PCDHGB3: variants seen among roughly 807,000 people sequenced by gnomAD.
PCDHGB3 encodes protocadherin gamma-B3.
In PCDHGB3, 40 loss-of-function variants were observed where a neutral mutation model predicts 59.2. The observed-to-expected ratio is 0.68, with a 90% CI of 0.52 to 0.88. PCDHGB3 has a LOEUF of 0.88. Ranked by LOEUF, PCDHGB3 falls within the 40% of genes least tolerant of loss-of-function variation. The pLI, the probability that PCDHGB3 is intolerant of heterozygous loss-of-function variation, is 0.00. For missense variants in PCDHGB3, 1,309 were observed against 1,187.9 expected (o/e 1.10, Z -1.50); for synonymous variants, 581 against 503.6 (o/e 1.15, Z -2.06).
At chr5:141,404,382 A>G (rs765708858) in intron 1 of PCDHGB3, 27 of 1,613,860 alleles carry the variant, frequency 1.7e-5, no homozygotes, top group South Asian at 1.2e-4. Context: ...GTGATTGCCT[A>G]TGACCCTGAT....
chr5:141,433,056 G>C, intron 1 of PCDHGB3: 10 of 1,614,204 alleles, frequency 6.2e-6, no homozygotes, highest in Non-Finnish European at 8.5e-6. Context: ...TCGCGGAAGA[G>C]TCACCTGATC....
At chr5:141,468,748 C>T (rs2099176836) in intron 1 of PCDHGB3, among the ~76,000 whole-genome samples, 1 of 151,866 alleles carries the variant, frequency 6.6e-6, no homozygotes, top group South Asian at 2.1e-4. Context: ...TGCCTGTAGT[C>T]CCAGCTACTC....
chr5:141,435,591 T>G (rs1197622032), intron 1 of PCDHGB3, among the ~76,000 whole-genome samples: 1 of 152,206 alleles, frequency 6.6e-6, no homozygotes, highest in Admixed American at 6.5e-5. Flanking sequence ...TGCAGTAATA[T>G]CGCCTGCTTT....
intron 1 of PCDHGB3, among the ~76,000 whole-genome samples, chr5:141,483,014 G>A (rs1401419953): frequency 1.3e-5 from 2 of 152,184 alleles, no homozygotes; most frequent in Non-Finnish European, 2.9e-5. Context: ...GAACCCGGGA[G>A]GCAGAGGTTG....
intron 1 of PCDHGB3, chr5:141,415,300 C>T (rs763286826): frequency 3.1e-6 from 5 of 1,614,222 alleles, no homozygotes; most frequent in East Asian, 4.5e-5. Context: ...CTGCGTCTTC[C>T]TGGCCTTCGT....
At chr5:141,419,411 C>T (rs757881409) in intron 1 of PCDHGB3, 7 of 1,613,344 alleles carry the variant, frequency 4.3e-6, no homozygotes, top group Non-Finnish European at 5.9e-6. Flanking sequence ...GTTCGCGCAG[C>T]GCGCCTTCGA....
chr5:141,454,691 C>T (rs745856768), intron 1 of PCDHGB3, among the ~76,000 whole-genome samples: 5 of 152,038 alleles, frequency 3.3e-5, no homozygotes, highest in Non-Finnish European at 5.9e-5. Flanking sequence ...CAGGCATGAG[C>T]CACCATGCTC....
rs372466798 is a variant in PCDHGB3 at position 141,413,407 on chromosome 5, C to T, written c.2415+40598C>T. On this transcript the variant is annotated intron_variant, in intron 1 of 3. Transcript: ENST00000576222. ...CATAGTCTCCAGAGGTAGGACGCAG[C>T]TTTTCTCTCTGAACCCGCGCAGCGG... The T allele has an allele frequency of 6.2e-7, 1 of 1,614,044 alleles. No individual in the cohort carries two copies. The highest frequency in any genetic ancestry group is 8.5e-7 in the Non-Finnish European group (1 of 1,179,938).
chr5:141,404,116 G>A (rs751598967), intron 1 of PCDHGB3: 1 of 1,613,478 alleles, frequency 6.2e-7, no homozygotes, highest in East Asian at 2.2e-5. Flanking sequence ...CTATCCAGGA[G>A]AATCTATCTT....
intron 1 of PCDHGB3, chr5:141,409,830 G>C: frequency 6.2e-7 from 1 of 1,611,250 alleles, no homozygotes; most frequent in Non-Finnish European, 8.5e-7. Context: ...CCCACGCTCA[G>C]CGCCAACGTG....
intron 1 of PCDHGB3, chr5:141,423,360 G>T (rs762976655): frequency 1.2e-6 from 2 of 1,614,224 alleles, no homozygotes; most frequent in South Asian, 2.2e-5. Context: ...TTGTCATCGT[G>T]CTGCTGGCAC....
chr5:141,465,997 C>T (rs1344380021), intron 1 of PCDHGB3, among the ~76,000 whole-genome samples: 1 of 151,918 alleles, frequency 6.6e-6, no homozygotes, highest in Non-Finnish European at 1.5e-5. Context: ...TGGCAGGCAC[C>T]TGTAGTCCCA....
At chr5:141,374,153 TG>T in intron 1 of PCDHGB3, 1 of 1,612,060 alleles carries the variant, frequency 6.2e-7, no homozygotes, top group African/African-American at 1.3e-5. Context: ...GGGGACGCTG[TG>T]GGGGGCCGCG....
At chr5:141,407,549 T>C (rs1159197129) in intron 1 of PCDHGB3, among the ~76,000 whole-genome samples, 4 of 151,912 alleles carry the variant, frequency 2.6e-5, no homozygotes, top group African/African-American at 9.7e-5. Flanking sequence ...TAACAGATTG[T>C]AGAACATAAG....
chr5:141,382,948 T>C, intron 1 of PCDHGB3: 4 of 1,599,496 alleles, frequency 2.5e-6, no homozygotes, highest in Non-Finnish European at 3.4e-6. Flanking sequence ...CTTCCTGCTC[T>C]CCATCCTCCT....
intron 2 of PCDHGB3, among the ~76,000 whole-genome samples, chr5:141,500,779 T>C (rs1222392685): frequency 1.3e-5 from 2 of 152,238 alleles, no homozygotes; most frequent in Non-Finnish European, 2.9e-5. Context: ...TGAATATACA[T>C]ATTATTTTAC....
At chr5:141,458,434 G>T (rs535464730) in intron 1 of PCDHGB3, among the ~76,000 whole-genome samples, 1 of 152,198 alleles carries the variant, frequency 6.6e-6, no homozygotes, top group African/African-American at 2.4e-5. Context: ...GAAAGAGGAG[G>T]TCCCCCACAT....
chr5:141,370,322 C>G lies in PCDHGB3; in HGVS notation c.-73C>G. ...AAGACAAAGCAAATAGTTGGTCCTG[C>G]TCGGAGAACTCTTGGGATTATTTAA... is the stretch of plus-strand genomic sequence containing the variant. On this transcript the variant is annotated 5_prime_UTR_variant, in exon 1 of 4. Transcript: ENST00000576222. The G allele has an allele frequency of 4.4e-6, 6 of 1,366,842 alleles. No individual in the cohort carries two copies. The highest frequency in any genetic ancestry group is 5.0e-6 in the Non-Finnish European group (5 of 1,004,626). The allele number at this position is 1,366,842 out of a possible 1,614,324, so 84.7% of individuals were successfully genotyped here.
intron 1 of PCDHGB3, among the ~76,000 whole-genome samples, chr5:141,469,031 C>T (rs963001535): frequency 1.3e-5 from 2 of 152,070 alleles, no homozygotes; most frequent in Admixed American, 6.6e-5. Flanking sequence ...AATCCCAGCA[C>T]TTTGGGAGGC....
Sources: gnomAD v4.1 joint callset for allele counts (sites outside exome capture counted in the v4.1 genomes callset) on GRCh38, gnomAD v4.1.1 for gene constraint, MANE v1.5 for transcripts, NCBI Gene and HGNC (gene_info 2026-07-23, HGNC 2026-07-21) for gene names.